Variants in RANBP2 observed in about 807,000 individuals in gnomAD.
RANBP2 encodes RAN binding protein 2, also known as E3 SUMO-protein ligase RanBP2.
RANBP2 carries 57 observed loss-of-function variants against 303.6 expected under a neutral mutation model. The observed-to-expected ratio is 0.19, with a 90% CI of 0.15 to 0.23. The LOEUF (loss-of-function observed/expected upper bound fraction) is 0.23. Among genes scored for constraint, RANBP2 ranks in the 10% least tolerant of loss-of-function variants. The pLI is 1.00. For synonymous variants in RANBP2, 1,167 were observed against 1,301.5 expected (o/e 0.90, Z 2.23); for missense variants, 3,138 against 3,780.8 (o/e 0.83, Z 4.46).
chr2:109,736,215 C>G, the RANBP2 span, among the ~76,000 whole-genome samples: 2 of 152,174 alleles, frequency 1.3e-5, no homozygotes, highest in African/African-American at 4.8e-5. Context: ...TCGGTAGCCC[C>G]CTTCTGTGGT....
downstream of RANBP2, among the ~76,000 whole-genome samples, chr2:108,788,651 C>G (rs958722828): frequency 1.3e-5 from 2 of 151,802 alleles, no homozygotes; most frequent in Admixed American, 6.6e-5. Flanking sequence ...ACCCGGGAGA[C>G]GGAGCTTGCA....
chr2:109,194,370 G>A, the RANBP2 span, among the ~76,000 whole-genome samples: 1 of 152,236 alleles, frequency 6.6e-6, no homozygotes, highest in Admixed American at 6.5e-5. Flanking sequence ...TGTGTCTGCT[G>A]CCACCCCTGC....
the RANBP2 span, chr2:109,501,455 A>T: frequency 1.3e-6 from 1 of 742,932 alleles, no homozygotes; most frequent in Admixed American, 1.8e-5. Context: ...ACGACCCAGC[A>T]GATGGAGATT....
At chr2:109,727,902 T>A in the RANBP2 span, among the ~76,000 whole-genome samples, 1 of 152,172 alleles carries the variant, frequency 6.6e-6, no homozygotes, top group African/African-American at 2.4e-5. Context: ...CCAGCCCACA[T>A]GCTCCCTAGA....
the RANBP2 span, among the ~76,000 whole-genome samples, chr2:109,467,062 T>C: frequency 6.6e-6 from 1 of 152,234 alleles, no homozygotes; most frequent in African/African-American, 2.4e-5. Context: ...AAATGTAAAA[T>C]GGCACAACTA....
At chr2:108,835,343 A>T in the RANBP2 span, among the ~76,000 whole-genome samples, 1 of 152,194 alleles carries the variant, frequency 6.6e-6, no homozygotes, top group Non-Finnish European at 1.5e-5. Context: ...TATTCATCTC[A>T]GCCGTGAGCT....
At chr2:109,169,091 C>G in the RANBP2 span, among the ~76,000 whole-genome samples, 1 of 152,118 alleles carries the variant, frequency 6.6e-6, no homozygotes, top group East Asian at 1.9e-4. Flanking sequence ...TTTGGAGGAG[C>G]CAGAATTCTT....
chr2:109,312,990 TGCG>T, the RANBP2 span, among the ~76,000 whole-genome samples: 1 of 151,970 alleles, frequency 6.6e-6, no homozygotes. Flanking sequence ...TCTACAGTAA[TGCG>T]GAAGAAGGGG....
the RANBP2 span, among the ~76,000 whole-genome samples, chr2:108,894,298 T>C: frequency 6.6e-6 from 1 of 152,240 alleles, no homozygotes; most frequent in East Asian, 1.9e-4. Flanking sequence ...TTCTGCCTAG[T>C]GAATGTCCCA....
At chr2:108,832,025 G>A in the RANBP2 span, among the ~76,000 whole-genome samples, 4 of 149,502 alleles carry the variant, frequency 2.7e-5, no homozygotes, top group East Asian at 4.0e-4. Flanking sequence ...GAGCCACCAC[G>A]CACAGCTTTT....
chr2:109,272,418 G>A, the RANBP2 span, among the ~76,000 whole-genome samples: 90 of 152,374 alleles, frequency 5.9e-4, 1 homozygote, highest in African/African-American at 1.8e-3. Flanking sequence ...GAAGCCAGCT[G>A]TCTGCACAGA....
chr2:109,657,062 C>T, the RANBP2 span, among the ~76,000 whole-genome samples: 1 of 152,144 alleles, frequency 6.6e-6, no homozygotes, highest in Non-Finnish European at 1.5e-5. Flanking sequence ...GAAGTCATTT[C>T]AGTCAATTAG....
chr2:108,737,041 G>A (rs1695643404), intron 6 of RANBP2, among the ~76,000 whole-genome samples: 1 of 121,272 alleles, frequency 8.2e-6, no homozygotes, highest in Admixed American at 7.9e-5. Flanking sequence ...AGTTTAGGCT[G>A]TCCATGTGGA....
chr2:109,005,940 G>T, the RANBP2 span, among the ~76,000 whole-genome samples: 1 of 152,182 alleles, frequency 6.6e-6, no homozygotes, highest in African/African-American at 2.4e-5. Flanking sequence ...TCGTGGAGCT[G>T]CCCATGTGTT....
the RANBP2 span, among the ~76,000 whole-genome samples, chr2:109,766,107 C>T: frequency 6.6e-6 from 1 of 150,420 alleles, no homozygotes; most frequent in Non-Finnish European, 1.5e-5. Flanking sequence ...TGCGTGTACT[C>T]ACACTGGCCG....
the RANBP2 span, among the ~76,000 whole-genome samples, chr2:109,391,753 C>T: frequency 6.6e-6 from 1 of 152,188 alleles, no homozygotes; most frequent in Non-Finnish European, 1.5e-5. Context: ...GGCCACCAAC[C>T]CTTGGTAACT....
the RANBP2 span, among the ~76,000 whole-genome samples, chr2:109,399,448 GT>G: frequency 0.48 from 70,765 of 147,664 alleles, 16,832 homozygotes; most frequent in South Asian, 0.53. Flanking sequence ...ATTTCCACTA[GT>G]TTTTTTTTTT....
At chr2:108,753,649 T>C in intron 14 of RANBP2, 86 bp downstream of exon 14, 1 of 1,594,220 alleles carries the variant, frequency 6.3e-7, no homozygotes, top group South Asian at 1.1e-5. Flanking sequence ...TTGGTCGGGC[T>C]AGAGTGCAGT....
chr2:109,128,997 C>G, the RANBP2 span: 1 of 425,106 alleles, frequency 2.4e-6, no homozygotes, highest in Non-Finnish European at 4.7e-6. Context: ...TGCTCGCGGC[C>G]GAGGAAGAGG....
Sources: gnomAD v4.1 joint callset for allele counts (sites outside exome capture counted in the v4.1 genomes callset) on GRCh38, gnomAD v4.1.1 for gene constraint, MANE v1.5 for transcripts, NCBI Gene and HGNC (gene_info 2026-07-23, HGNC 2026-07-21) for gene names.